The following PARPBP variants were observed in gnomAD, a reference collection of about 807,000 sequenced individuals.
PARPBP encodes the protein PARP1 binding protein, also known as PCNA-interacting partner.
A neutral mutation model predicts 50.0 loss-of-function variants in PARPBP; 52 were observed. That is an observed-to-expected ratio of 1.04 (90% CI 0.83 to 1.31). The LOEUF (loss-of-function observed/expected upper bound fraction) is 1.31. PARPBP is among the 50% of genes most tolerant of loss of function. The pLI is 0.00. For missense variants in PARPBP, 697 were observed against 672.0 expected (o/e 1.04, Z -0.41); for synonymous variants, 244 against 232.1 (o/e 1.05, Z -0.47).
intron 2 of PARPBP, among the ~76,000 whole-genome samples, chr12:102,135,280 C>T (rs950971847): frequency 3.3e-5 from 5 of 152,084 alleles, no homozygotes; most frequent in African/African-American, 9.7e-5. Flanking sequence ...CATGGTGGCT[C>T]ACGCCTGTAA....
At chr12:102,149,308 T>C (rs1289319280) in intron 3 of PARPBP, among the ~76,000 whole-genome samples, 3 of 152,226 alleles carry the variant, frequency 2.0e-5, no homozygotes, top group African/African-American at 7.2e-5. Flanking sequence ...AATAGAAGTA[T>C]AACTCTTTTA....
intron 4 of PARPBP, among the ~76,000 whole-genome samples, chr12:102,154,401 C>G (rs759631453): frequency 6.6e-6 from 1 of 152,124 alleles, no homozygotes; most frequent in Non-Finnish European, 1.5e-5. Flanking sequence ...TCGTATAAAC[C>G]ACCGAAAAGT....
intron 6 of PARPBP, among the ~76,000 whole-genome samples, chr12:102,173,866 G>A (rs117403498): frequency 0.013 from 1,857 of 147,086 alleles, 19 homozygotes; most frequent in Non-Finnish European, 0.022. Context: ...GAGATTGGGT[G>A]GTACTGGGAG....
chr12:102,121,946 T>A (rs1381841272), intron 1 of PARPBP, among the ~76,000 whole-genome samples: 1 of 152,222 alleles, frequency 6.6e-6, no homozygotes, highest in Non-Finnish European at 1.5e-5. Context: ...TACTTGTGTT[T>A]ATGTCGTTGA....
chr12:102,186,912 C>G (rs1171208575), intron 9 of PARPBP, among the ~76,000 whole-genome samples: 1 of 151,646 alleles, frequency 6.6e-6, no homozygotes, highest in Admixed American at 6.6e-5. Context: ...GGCTAGAACT[C>G]TTTATTTTCA....
rs769075882 is a variant in PARPBP, at chr12:102,148,232, C to T, written c.156C>T (p.His52=). Residue 52 remains histidine, a splice_region_variant and synonymous_variant, in exon 3 of 11, where the codon CAC becomes CAT. Transcript: ENST00000327680. ...QLSMAENNKQ[H]SGEFTVSLSD... The stretch of plus-strand genomic sequence containing the variant: ...TTTTTTGGCATTATCTTTTTCAGCA[C>T]AGTGGAGAATTTACAGTCTCTCTCA... 8 of 1,391,904 alleles carry T rather than the reference C, an allele frequency of 5.7e-6. No homozygotes were observed. In the African/African-American group the frequency reaches 1.0e-4, roughly 18 times the overall value. 86.2% of individuals were successfully genotyped at this position (1,391,904 alleles called of 1,614,324 possible). A position where few individuals can be genotyped will look rare whatever the true frequency, so the allele number is the denominator to read the frequency against.
chr12:102,193,894 T>G (rs921710511), intron 9 of PARPBP, among the ~76,000 whole-genome samples: 1 of 152,032 alleles, frequency 6.6e-6, no homozygotes, highest in African/African-American at 2.4e-5. Context: ...GTTTTTGATC[T>G]TGTATATTTT....
chr12:102,164,623 C>T lies in PARPBP; in HGVS notation c.666+15C>T, dbSNP rs748111784. On this transcript the variant is annotated intron_variant, in intron 5 of 10. Transcript: ENST00000327680. ...CTATCTTTTTGGTATGGTTGTGTGA[C>T]ATGTTCAAAATTAAGACTCCTTGCA... 1.9e-6 allele frequency: 3 copies of T among 1,610,596 alleles called. No homozygotes were observed.
At chr12:102,149,960 G>A (rs115931867) in intron 3 of PARPBP, among the ~76,000 whole-genome samples, 3,811 of 152,278 alleles carry the variant, frequency 0.025, 147 homozygotes, top group African/African-American at 0.076. Flanking sequence ...GGACAACAAA[G>A]ATCTTAAAAA....
At chr12:102,150,098 G>T (rs1170156474) in intron 3 of PARPBP, among the ~76,000 whole-genome samples, 1 of 151,844 alleles carries the variant, frequency 6.6e-6, no homozygotes, top group East Asian at 1.9e-4. Flanking sequence ...TATATATCAG[G>T]GTACAAGTTT....
chr12:102,120,665 T>C (rs1880880917), intron 1 of PARPBP, among the ~76,000 whole-genome samples: 2 of 152,210 alleles, frequency 1.3e-5, no homozygotes, highest in Non-Finnish European at 2.9e-5. Context: ...CTTTGGGACT[T>C]GCACTCGAAC....
chr12:102,152,581 T>TAAAC (rs1886346085), intron 3 of PARPBP, among the ~76,000 whole-genome samples: 3 of 152,336 alleles, frequency 2.0e-5, no homozygotes, highest in Admixed American at 1.3e-4. Context: ...ACAATTCAAG[T>TAAAC]TGTTCACTGT....
At chr12:102,158,112 C>G (rs1413035849) in intron 4 of PARPBP, among the ~76,000 whole-genome samples, 4 of 123,120 alleles carry the variant, frequency 3.2e-5, no homozygotes, top group Non-Finnish European at 6.5e-5. Flanking sequence ...GAGTGCGAGA[C>G]TCCATCTCAA....
intron 9 of PARPBP, among the ~76,000 whole-genome samples, chr12:102,186,352 TCTA>T (rs1259842947): frequency 6.6e-6 from 1 of 152,026 alleles, no homozygotes; most frequent in Non-Finnish European, 1.5e-5. Context: ...TTTCTTTTCT[TCTA>T]CTAATTTTGA....
rs754629178 is a variant in PARPBP, at chr12:102,153,856, A to G, written c.388-13A>G. The G allele has an allele frequency of 1.1e-5, 15 of 1,404,958 alleles. No homozygotes were observed. Among genetic ancestry groups the G allele is most frequent in the African/African-American group, 2.8e-5 (2 of 70,956 alleles). 87.0% of individuals were successfully genotyped at this position (1,404,958 alleles called of 1,614,324 possible). On this transcript the variant is annotated splice_polypyrimidine_tract_variant and intron_variant, in intron 3 of 10. Transcript: ENST00000327680. ...CATAGCATTTTATTAGTAATACTCTATGTTTTCTACAGAGTCAACTACTGG... is the reference window on the plus strand; with the variant it reads ...CATAGCATTTTATTAGTAATACTCTGTGTTTTCTACAGAGTCAACTACTGG...
chr12:102,172,348 CATT>C lies in PARPBP; in HGVS notation c.822-3132_822-3130del, dbSNP rs772289727. On this transcript the variant is annotated intron_variant, in intron 6 of 10. Transcript: ENST00000327680. ...CTATACTTTCAGTAGTTCATTGTAT[CATT>C]ATCACTTGTGAGCTCTTAAAGAGAA... 2.0e-5 allele frequency among the ~76,000 whole-genome samples: 3 copies of C among 152,318 alleles called. No homozygotes were observed. In the East Asian group the frequency reaches 5.8e-4, roughly 29 times the overall value.
intron 4 of PARPBP, 79 bp downstream of exon 4, chr12:102,154,055 C>G (rs964777184): frequency 2.8e-5 from 24 of 848,046 alleles, no homozygotes; most frequent in Admixed American, 4.4e-5. Flanking sequence ...CTTAAAGTTA[C>G]TAATGCTTTG....
intron 2 of PARPBP, among the ~76,000 whole-genome samples, chr12:102,139,610 G>T (rs1323351522): frequency 6.6e-6 from 1 of 152,130 alleles, no homozygotes; most frequent in Non-Finnish European, 1.5e-5. Context: ...TATGATATTG[G>T]CTGTGGCTTT....
chr12:102,155,761 CT>C (rs1886818400), intron 4 of PARPBP, among the ~76,000 whole-genome samples: 2 of 152,158 alleles, frequency 1.3e-5, no homozygotes, highest in African/African-American at 2.4e-5. Flanking sequence ...TTGAGCAGAG[CT>C]TTTGCTCCAG....
Sources: gnomAD v4.1 joint callset for allele counts (sites outside exome capture counted in the v4.1 genomes callset) on GRCh38, gnomAD v4.1.1 for gene constraint, MANE v1.5 for transcripts, NCBI Gene and HGNC (gene_info 2026-07-23, HGNC 2026-07-21) for gene names.